FILIP1: variants seen among roughly 807,000 people sequenced by gnomAD.
FILIP1 encodes filamin A interacting protein 1.
A neutral mutation model predicts 102.1 loss-of-function variants in FILIP1; 61 were observed. The observed-to-expected ratio is 0.60, with a 90% CI of 0.49 to 0.74. The LOEUF is 0.74. Among genes scored for constraint, FILIP1 ranks in the 30% least tolerant of loss-of-function variants. The probability of loss-of-function intolerance (pLI) is 0.00; values close to 1 mark genes in which losing one functional copy is unlikely to be tolerated. For synonymous variants in FILIP1, 491 were observed against 526.9 expected (o/e 0.93, Z 0.93); for missense variants, 1,314 against 1,441.2 (o/e 0.91, Z 1.43).
intron 1 of FILIP1, among the ~76,000 whole-genome samples, chr6:75,415,732 T>C (rs1326152874): frequency 6.6e-6 from 1 of 151,754 alleles, no homozygotes; most frequent in Non-Finnish European, 1.5e-5. Context: ...AGAAAATGAA[T>C]CAATTTCAAA....
In FILIP1 at chr6:75,313,540, G is replaced by A. The variant is rs146541750; in HGVS notation, c.2292C>T (p.Asn764=). 5 of 1,614,126 alleles carry A rather than the reference G, an allele frequency of 3.1e-6. No individual in the cohort carries two copies. Among genetic ancestry groups the A allele is most frequent in the Admixed American group, 1.7e-5 (1 of 60,010 alleles). The stretch of plus-strand genomic sequence containing the variant: ...TCAGATTGAGAACCTCCTGCCCCAT[G>A]TTTTTGTTCTTATTTTCTTCTTCCA... ...RFMEEENKNK[N]MGQEVLNLTK... is the part of the protein sequence containing the mutation. Residue 764 remains asparagine (N), a synonymous_variant, in exon 5 of 6, where the codon AAC becomes AAT. Transcript: ENST00000237172. This position sits in a 1 kb window ranked among gnomAD's most constrained non-coding sequence, Gnocchi z 4.2.
At chr6:75,315,558 TA>T (rs542096486) in intron 4 of FILIP1, among the ~76,000 whole-genome samples, 23 of 152,362 alleles carry the variant, frequency 1.5e-4, no homozygotes, top group South Asian at 1.0e-3. Flanking sequence ...AGCCATTAAG[TA>T]AAACTTAGGT....
chr6:75,397,518 A>G (rs1562544627), intron 2 of FILIP1, among the ~76,000 whole-genome samples: 1 of 150,142 alleles, frequency 6.7e-6, no homozygotes, highest in African/African-American at 2.4e-5. Context: ...ATTTTTTTAC[A>G]TAACATATAC....
intron 1 of FILIP1, among the ~76,000 whole-genome samples, chr6:75,490,665 G>A (rs979400976): frequency 4.0e-5 from 6 of 149,970 alleles, no homozygotes; most frequent in African/African-American, 1.5e-4. Flanking sequence ...GTGTGTGTGT[G>A]CATGTGTGCA....
chr6:75,471,600 AGAT>A (rs1779332812), intron 1 of FILIP1, among the ~76,000 whole-genome samples: 1 of 152,202 alleles, frequency 6.6e-6, no homozygotes, highest in Non-Finnish European at 1.5e-5. Flanking sequence ...CTGTTGGAGT[AGAT>A]ATTGAGGAAG....
At chr6:75,380,312 A>ACT (rs201851147) in intron 2 of FILIP1, among the ~76,000 whole-genome samples, 8,089 of 152,212 alleles carry the variant, frequency 0.053, 295 homozygotes, top group Non-Finnish European at 0.076. Flanking sequence ...CCTAAAGCTC[A>ACT]AAAGAAAAAT....
At chr6:75,485,780 C>T (rs1038032973) in intron 1 of FILIP1, among the ~76,000 whole-genome samples, 2 of 152,034 alleles carry the variant, frequency 1.3e-5, no homozygotes, top group African/African-American at 4.8e-5. Context: ...TCCATAGTAG[C>T]AAAATGGCTG....
intron 2 of FILIP1, among the ~76,000 whole-genome samples, chr6:75,410,041 A>G (rs1777008493): frequency 1.3e-5 from 2 of 152,002 alleles, no homozygotes; most frequent in Admixed American, 6.6e-5. Flanking sequence ...GTGTTAAACC[A>G]TTTTTCTCCT....
At chr6:75,308,051 C>T, downstream of FILIP1, 1 of 985,884 alleles carries the variant, frequency 1.0e-6, no homozygotes. Flanking sequence ...CTACAATACA[C>T]ACAGACACAC....
chr6:75,440,393 T>G (rs1272732491), intron 1 of FILIP1, among the ~76,000 whole-genome samples: 1 of 152,182 alleles, frequency 6.6e-6, no homozygotes, highest in East Asian at 1.9e-4. Flanking sequence ...CCTGTGATTG[T>G]GCAGGAAGTG....
chr6:75,483,912 T>A (rs143774594), intron 1 of FILIP1, among the ~76,000 whole-genome samples: 41 of 152,274 alleles, frequency 2.7e-4, no homozygotes, highest in African/African-American at 9.6e-4. Flanking sequence ...TCCCTCAGCC[T>A]CCTTATCTGT....
chr6:75,366,556 T>C (rs986612687), intron 2 of FILIP1, among the ~76,000 whole-genome samples: 35 of 152,342 alleles, frequency 2.3e-4, no homozygotes, highest in Non-Finnish European at 5.9e-5. Context: ...TTTATGAAGT[T>C]GGATCATAAT....
In FILIP1 at chr6:75,312,640, G is replaced by A. The variant is rs769125046; in HGVS notation, c.3192C>T (p.Asp1064=). Residue 1064 remains aspartate (D), a synonymous_variant, in exon 5 of 6, where the codon GAC becomes GAT. Coordinates refer to ENST00000237172, the MANE Select transcript of FILIP1 (RefSeq NM_015687.5). The stretch of plus-strand genomic sequence containing the variant: ...ACCCTAAGTGAATGTGAATTTTATT[G>A]TCCTCTGTGGTTATGATATTGGCAT... The part of the protein sequence containing the change: ...NSNANIITTE[D]NKIHIHLGSQ... 12 of 1,614,186 alleles carry A rather than the reference G, an allele frequency of 7.4e-6. No individual in the cohort carries two copies. The highest frequency in any genetic ancestry group is 1.0e-5 in the Non-Finnish European group (12 of 1,180,036).
chr6:75,416,585 C>T (rs1193751069), intron 1 of FILIP1, among the ~76,000 whole-genome samples: 5 of 74,950 alleles, frequency 6.7e-5, no homozygotes, highest in African/African-American at 3.3e-4. Context: ...AAGCCCCAAT[C>T]CAAAAAAAAA....
rs779350691 is a variant in FILIP1 at position 75,414,804 on chromosome 6, G to C, written c.169C>G (p.Arg57Gly). The C allele has an allele frequency of 9.9e-6, 16 of 1,613,672 alleles. No homozygotes were observed. In the Admixed American group the frequency reaches 2.7e-4, roughly 27 times the overall value. The change falls in exon 2 of 6, where the codon CGA (arginine) becomes GGA (glycine). Residue 57 changes from arginine (R) to glycine (G), a missense_variant. Transcript: ENST00000237172. ...CATTCTCCAGATGTTTTTAGGTGTC[G>C]TTTGACAGTTCCTGAGGCCATGACA... ...DDVMASGTVK[R>G]HLKTSGECER...
At chr6:75,487,962 CA>C (rs1427535770) in intron 1 of FILIP1, among the ~76,000 whole-genome samples, 1 of 152,026 alleles carries the variant, frequency 6.6e-6, no homozygotes, top group African/African-American at 2.4e-5. Flanking sequence ...CAAATAAAAA[CA>C]GAAAAAACCT....
intron 2 of FILIP1, among the ~76,000 whole-genome samples, chr6:75,393,685 T>A (rs1464051388): frequency 6.6e-6 from 1 of 152,220 alleles, no homozygotes; most frequent in Non-Finnish European, 1.5e-5. Context: ...CTTGTTCAAT[T>A]AATGGTTGTT....
chr6:75,362,920 G>T lies in FILIP1; in HGVS notation c.277-3C>A, dbSNP rs377118129. 23 of 1,612,472 alleles carry T rather than the reference G, an allele frequency of 1.4e-5. No individual in the cohort carries two copies. In the African/African-American group the frequency reaches 2.7e-4, roughly 19 times the overall value. On this transcript the variant is annotated splice_region_variant and splice_polypyrimidine_tract_variant and intron_variant, in intron 2 of 5. Coordinates refer to ENST00000237172, the MANE Select transcript of FILIP1 (RefSeq NM_015687.5). ...ATGTGGATCACATCTTCTCTGGCCT[G>T]TAATAGAAAGTGCAGCAAGATCAGA...
At chr6:75,323,739 A>T (rs572045187) in intron 4 of FILIP1, among the ~76,000 whole-genome samples, 3 of 152,348 alleles carry the variant, frequency 2.0e-5, no homozygotes, top group Non-Finnish European at 4.4e-5. Flanking sequence ...AGGAAGTGAC[A>T]TGGTTTGGCT....
Sources: gnomAD v4.1 joint callset for allele counts (sites outside exome capture counted in the v4.1 genomes callset) on GRCh38, gnomAD v4.1.1 for gene constraint, Gnocchi (gnomAD v3.1) non-coding constraint, MANE v1.5 for transcripts, NCBI Gene and HGNC (gene_info 2026-07-23, HGNC 2026-07-21) for gene names.